Variants in PDSS1 observed in about 807,000 individuals in gnomAD.
PDSS1 encodes all trans-polyprenyl-diphosphate synthase PDSS1.
Under a neutral mutation model 57.5 loss-of-function variants are expected in PDSS1, and 43 were observed. The ratio of observed to expected loss-of-function variants is 0.75; its 90% confidence interval spans 0.59 to 0.96. The LOEUF (loss-of-function observed/expected upper bound fraction) is 0.96, where lower values mean the gene tolerates loss of function less well. PDSS1 is among the 50% of genes least tolerant of loss of function. The probability of loss-of-function intolerance (pLI) is 0.00; values close to 1 mark genes in which losing one functional copy is unlikely to be tolerated. For missense variants in PDSS1, 438 were observed against 527.8 expected (o/e 0.83, Z 1.67); for synonymous variants, 175 against 191.3 (o/e 0.91, Z 0.70).
chr10:26,718,769 A>AAAG (rs1835686454), intron 5 of PDSS1: 1 of 152,008 alleles, frequency 6.6e-6, no homozygotes, highest in Non-Finnish European at 1.5e-5. Flanking sequence ...CTCAAAAAAA[A>AAAG]AAAAAAAAAA....
chr10:26,708,721 C>T (rs1835323742), intron 4 of PDSS1, among the ~76,000 whole-genome samples: 1 of 152,094 alleles, frequency 6.6e-6, no homozygotes, highest in Admixed American at 6.6e-5. Flanking sequence ...TATCTTCCTG[C>T]CCCTCGTAAA....
rs374748493 is a variant in PDSS1 at position 26,720,240 on chromosome 10, G to T, written c.490G>T (p.Ala164Ser). The change falls in exon 6 of 12, where the codon GCC becomes TCC. Residue 164 changes from alanine (A) to serine (S), a missense_variant. By Grantham distance (99) the Ala-to-Ser change is moderately conservative (BLOSUM62 1). Around this residue, in one of 2 missense-constraint regions of PDSS1, gnomAD observed 284 missense variants for 390.7 expected, o/e 0.73. Transcript: ENST00000376215. ...TAGACATGTGCAAGCCAGCCAGCGC[G>T]CCATAGCCTTAATTGCAGAAATGAT... ...NSRHVQASQR[A>S]IALIAEMIHT... The T allele has an allele frequency of 4.3e-6, 7 of 1,612,952 alleles. No individual in the cohort carries two copies. Among genetic ancestry groups the T allele is most frequent in the Admixed American group, 3.3e-5 (2 of 59,994 alleles).
At chr10:26,737,204 C>G (rs1004761259) in intron 10 of PDSS1, among the ~76,000 whole-genome samples, 2 of 152,150 alleles carry the variant, frequency 1.3e-5, no homozygotes, top group African/African-American at 4.8e-5. Flanking sequence ...TTGTTAAGTA[C>G]TTGTTATGAA....
At chr10:26,728,549 T>C (rs753843462) in intron 8 of PDSS1, among the ~76,000 whole-genome samples, 7 of 152,162 alleles carry the variant, frequency 4.6e-5, no homozygotes, top group Non-Finnish European at 8.8e-5. Context: ...TTTTAACCTA[T>C]TTTGGGCAAA....
At chr10:26,701,748 A>G in intron 1 of PDSS1, 1 of 450,776 alleles carries the variant, frequency 2.2e-6, no homozygotes, top group Non-Finnish European at 4.4e-6. Context: ...CCCCACACGG[A>G]GTCCCTGCTG....
At chr10:26,723,969 A>G (rs1438862485) in intron 7 of PDSS1, 45 bp from the exon 8 acceptor site, 1 of 1,583,856 alleles carries the variant, frequency 6.3e-7, no homozygotes, top group Non-Finnish European at 8.7e-7. Flanking sequence ...GTGTTTAGCC[A>G]GGCAATAAAG....
chr10:26,740,536 C>CT (rs1215680421), intron 10 of PDSS1: 2 of 434,212 alleles, frequency 4.6e-6, no homozygotes, highest in African/African-American at 4.1e-5. Context: ...AAAATTATTT[C>CT]TTTGTCTGTG....
chr10:26,714,664 ACT>A (rs1325601082), intron 5 of PDSS1: 2 of 152,004 alleles, frequency 1.3e-5, no homozygotes, highest in Non-Finnish European at 2.9e-5. Flanking sequence ...CCTGTGTGAA[ACT>A]CTTTTAGTTC....
chr10:26,714,049 T>C (rs1051126360), intron 5 of PDSS1, among the ~76,000 whole-genome samples: 2 of 152,168 alleles, frequency 1.3e-5, no homozygotes, highest in African/African-American at 4.8e-5. Flanking sequence ...GTGTCAGTAA[T>C]CCCAAGGGAT....
At chr10:26,727,250 A>G (rs1008365732) in intron 8 of PDSS1, among the ~76,000 whole-genome samples, 1 of 151,974 alleles carries the variant, frequency 6.6e-6, no homozygotes, top group Non-Finnish European at 1.5e-5. Context: ...GGGCCTGTCC[A>G]GTTGTTGTTA....
At chr10:26,722,812 T>G (rs941487561) in intron 6 of PDSS1, among the ~76,000 whole-genome samples, 5 of 152,076 alleles carry the variant, frequency 3.3e-5, no homozygotes, top group Non-Finnish European at 2.9e-5. Context: ...CAGTAGTTTA[T>G]AACTAGTTGC....
At chr10:26,700,090 G>A (rs951619878) in intron 1 of PDSS1, among the ~76,000 whole-genome samples, 3 of 152,152 alleles carry the variant, frequency 2.0e-5, no homozygotes, top group African/African-American at 7.2e-5. Context: ...CACTAGTAGT[G>A]TGAACAAATA....
intron 10 of PDSS1, among the ~76,000 whole-genome samples, chr10:26,741,898 C>T (rs1196196988): frequency 2.6e-5 from 4 of 152,072 alleles, no homozygotes; most frequent in Admixed American, 6.6e-5. Context: ...TTATTTGAGA[C>T]GGAGTTTCAC....
intron 2 of PDSS1, among the ~76,000 whole-genome samples, chr10:26,704,173 A>C (rs1385327418): frequency 1.3e-5 from 2 of 151,766 alleles, no homozygotes; most frequent in Admixed American, 1.3e-4. Flanking sequence ...AATAAAACAA[A>C]ACACCCCCAC....
chr10:26,745,009 C>G (rs1048075508), intron 11 of PDSS1, among the ~76,000 whole-genome samples: 1 of 151,752 alleles, frequency 6.6e-6, no homozygotes, highest in Non-Finnish European at 1.5e-5. Context: ...ACTAAAAATA[C>G]AAACATTAGC....
chr10:26,720,606 T>G (rs1835751807), intron 6 of PDSS1, among the ~76,000 whole-genome samples: 1 of 152,214 alleles, frequency 6.6e-6, no homozygotes, highest in Non-Finnish European at 1.5e-5. Flanking sequence ...AAAGGGATTT[T>G]CATGGGTGTC....
At chr10:26,718,569 T>C (rs113210834) in intron 5 of PDSS1, among the ~76,000 whole-genome samples, 10 of 152,194 alleles carry the variant, frequency 6.6e-5, no homozygotes, top group African/African-American at 2.4e-4. Context: ...AAGACCAGCC[T>C]GGTCAACATG....
At chr10:26,735,392 G>A (rs1447248911) in intron 9 of PDSS1, 72 bp downstream of exon 9, 38 of 1,390,238 alleles carry the variant, frequency 2.7e-5, no homozygotes, top group Middle Eastern at 3.5e-4. Context: ...GTGTGTAATC[G>A]TCAAAATAGT....
Position 26,736,479 on chromosome 10 carries a change from C to T in PDSS1, c.1026+900C>T, listed in dbSNP as rs1165633794. Among the ~76,000 whole-genome samples, 4 of 152,312 alleles carry T rather than the reference C, an allele frequency of 2.6e-5. No individual in the cohort carries two copies. In the South Asian group the frequency reaches 8.3e-4, roughly 32 times the overall value. On this transcript the variant is annotated intron_variant, in intron 10 of 11. Transcript: ENST00000376215. ...AGATTTTGCCTCTATTCTGTCTTCA[C>T]GTTTACAAAGGTCAGTCATGTCCTC...
Sources: gnomAD v4.1 joint callset for allele counts (sites outside exome capture counted in the v4.1 genomes callset) on GRCh38, gnomAD v4.1.1 for gene constraint, gnomAD v4.1.1 regional missense constraint, MANE v1.5 for transcripts, NCBI Gene and HGNC (gene_info 2026-07-23, HGNC 2026-07-21) for gene names.